The following SH3D19 variants were observed in gnomAD, a reference collection of about 807,000 sequenced individuals.
SH3D19 encodes SH3 domain-containing protein 19.
Under a neutral mutation model 112.1 loss-of-function variants are expected in SH3D19, and 58 were observed. The ratio of observed to expected loss-of-function variants is 0.52; its 90% confidence interval spans 0.42 to 0.64. The LOEUF (loss-of-function observed/expected upper bound fraction) is 0.64. Among genes scored for constraint, SH3D19 ranks in the 30% least tolerant of loss-of-function variants. The probability of loss-of-function intolerance (pLI) is 0.00; values close to 1 mark genes in which losing one functional copy is unlikely to be tolerated. For missense variants in SH3D19, 1,090 were observed against 1,263.4 expected (o/e 0.86, Z 2.08); for synonymous variants, 391 against 448.5 (o/e 0.87, Z 1.62).
intron 1 of SH3D19, among the ~76,000 whole-genome samples, chr4:151,244,949 C>G (rs1278662317): frequency 6.6e-6 from 1 of 152,092 alleles, no homozygotes; most frequent in Non-Finnish European, 1.5e-5. Flanking sequence ...AAGAGACCAT[C>G]CTGGCTAACA....
Position 151,180,744 on chromosome 4 carries a change from C to G in SH3D19, c.194-1347G>C, listed in dbSNP as rs141943927. Among the ~76,000 whole-genome samples, 429 of 149,360 alleles carry G rather than the reference C, an allele frequency of 2.9e-3. 1 individual carries two copies. The highest frequency in any genetic ancestry group is 0.01 in the African/African-American group (417 of 40,672). On this transcript the variant is annotated intron_variant, in intron 3 of 19. Transcript: ENST00000604030. ...TTTTTCAATTTTTATGTAATAGAGA[C>G]TATTACCTCTATTTTTCTTTATTTC...
chr4:151,267,909 C>A (rs1772933738), intron 1 of SH3D19, among the ~76,000 whole-genome samples: 1 of 152,270 alleles, frequency 6.6e-6, no homozygotes, highest in East Asian at 1.9e-4. Flanking sequence ...AACCTGTAGA[C>A]TGGTCAATAA....
chr4:151,203,170 T>C (rs1764633008), intron 2 of SH3D19, among the ~76,000 whole-genome samples: 1 of 152,100 alleles, frequency 6.6e-6, no homozygotes, highest in Non-Finnish European at 1.5e-5. Flanking sequence ...ACAGGTGGAA[T>C]TCCCATGACA....
intron 1 of SH3D19, among the ~76,000 whole-genome samples, chr4:151,246,450 G>A (rs187012071): frequency 6.6e-6 from 1 of 152,310 alleles, no homozygotes; most frequent in Non-Finnish European, 1.5e-5. Flanking sequence ...ACCATTGGTA[G>A]GAGTGGGTAT....
At chr4:151,278,597 T>G (rs1773878822) in intron 1 of SH3D19, among the ~76,000 whole-genome samples, 1 of 152,138 alleles carries the variant, frequency 6.6e-6, no homozygotes, top group African/African-American at 2.4e-5. Flanking sequence ...CCATGTGACC[T>G]AGGGTTTCCT....
At position 151,283,044 on chromosome 4, in the gene SH3D19, C is replaced by T. The variant is rs890150623; in HGVS notation, c.112+42197G>A. On this transcript the variant is annotated intron_variant, in intron 1 of 19. Coordinates refer to ENST00000604030, the MANE Select transcript of SH3D19 (RefSeq NM_001378122.1). ...TTGGATTCCCATTCAGAGACTTCTG[C>T]ACATCATGACTGAATGCTGCCCCTG... is the stretch of plus-strand genomic sequence containing the variant. 12 of 1,390,170 alleles carry T rather than the reference C, an allele frequency of 8.6e-6. No individual in the cohort carries two copies. The East Asian group carries it at 2.8e-4, about 32-fold the overall frequency. The allele number at this position is 1,390,170 out of a possible 1,614,324, so 86.1% of individuals were successfully genotyped here. A position where few individuals can be genotyped will look rare whatever the true frequency, so the allele number is the denominator to read the frequency against.
At chr4:151,135,025 A>C in intron 15 of SH3D19, 49 bp downstream of exon 15, 1 of 1,437,710 alleles carries the variant, frequency 7.0e-7, no homozygotes, top group South Asian at 1.2e-5. Flanking sequence ...CATGATATAG[A>C]TGGTTATCTC....
chr4:151,197,354 C>A (rs1763630559), intron 2 of SH3D19, among the ~76,000 whole-genome samples: 1 of 152,158 alleles, frequency 6.6e-6, no homozygotes, highest in Non-Finnish European at 1.5e-5. Context: ...TTCACCACAC[C>A]CAGCCTTCTA....
chr4:151,158,820 A>G (rs759920374), intron 9 of SH3D19, among the ~76,000 whole-genome samples: 4 of 152,048 alleles, frequency 2.6e-5, no homozygotes, highest in Non-Finnish European at 5.9e-5. Context: ...AAAAAAATAC[A>G]TTTTTCTTAA....
At chr4:151,259,903 C>A (rs1295653789) in intron 1 of SH3D19, among the ~76,000 whole-genome samples, 1 of 152,094 alleles carries the variant, frequency 6.6e-6, no homozygotes, top group Non-Finnish European at 1.5e-5. Context: ...GAAGCCTCTA[C>A]CCAGGAGACA....
intron 1 of SH3D19, among the ~76,000 whole-genome samples, chr4:151,267,894 A>T (rs972578904): frequency 6.6e-6 from 1 of 152,232 alleles, no homozygotes; most frequent in African/African-American, 2.4e-5. Context: ...AGTGCAGTCC[A>T]GGGAAACCTG....
chr4:151,319,394 C>T (rs1730321918), intron 1 of SH3D19, among the ~76,000 whole-genome samples: 1 of 152,234 alleles, frequency 6.6e-6, no homozygotes, highest in South Asian at 2.1e-4. Flanking sequence ...TTTTAAACAA[C>T]ATGTAAATCT....
At chr4:151,201,881 G>A (rs1056776120) in intron 2 of SH3D19, among the ~76,000 whole-genome samples, 13 of 151,544 alleles carry the variant, frequency 8.6e-5, no homozygotes, top group East Asian at 3.9e-4. Context: ...GCATGGTGGC[G>A]GCTACCTGTA....
At chr4:151,144,245 TGA>T in intron 11 of SH3D19, 195 bp from the exon 12 acceptor site, 2 of 1,614,134 alleles carry the variant, frequency 1.2e-6, no homozygotes, top group Non-Finnish European at 1.7e-6. Flanking sequence ...TCCGGGGTTT[TGA>T]GAGACAATAT....
chr4:151,307,206 TAG>T (rs1729007669), intron 1 of SH3D19, among the ~76,000 whole-genome samples: 1 of 151,800 alleles, frequency 6.6e-6, no homozygotes, highest in Admixed American at 6.6e-5. Flanking sequence ...TTATTTTTAG[TAG>T]AGACGGGGTT....
intron 1 of SH3D19, among the ~76,000 whole-genome samples, chr4:151,290,742 C>A (rs551011977): frequency 2.6e-5 from 4 of 152,316 alleles, no homozygotes; most frequent in African/African-American, 7.2e-5. Flanking sequence ...CAACAACTAT[C>A]ACTATCATTT....
At chr4:151,137,901 C>G (rs772466996) in intron 13 of SH3D19, 39 bp from the exon 14 acceptor site, 2 of 1,540,388 alleles carry the variant, frequency 1.3e-6, no homozygotes, top group Admixed American at 2.1e-5. Flanking sequence ...ATGAATCATC[C>G]TGGTTGCAGA....
intron 2 of SH3D19, among the ~76,000 whole-genome samples, chr4:151,190,947 G>A (rs1028567538): frequency 6.6e-6 from 1 of 152,190 alleles, no homozygotes; most frequent in African/African-American, 2.4e-5. Context: ...GAAAGCAGCT[G>A]GTGGGGAGGC....
intron 1 of SH3D19, among the ~76,000 whole-genome samples, chr4:151,293,977 T>G (rs1775534340): frequency 6.6e-6 from 1 of 152,230 alleles, no homozygotes; most frequent in African/African-American, 2.4e-5. Context: ...CTTCACTTCC[T>G]CAAGGAAGCT....
Sources: allele counts gnomAD v4.1 joint callset (sites outside exome capture counted in the v4.1 genomes callset), GRCh38; gene constraint gnomAD v4.1.1; transcripts MANE v1.5; gene names NCBI Gene and HGNC (gene_info 2026-07-23, HGNC 2026-07-21).